Variants in SLC61A1 observed in about 807,000 individuals in gnomAD.
SLC61A1 encodes the protein major facilitator superfamily domain containing 5.
At chr12:53,252,718 T>TGGGTGG in the SLC61A1 span, 5 of 1,386,104 alleles carry the variant, frequency 3.6e-6, no homozygotes, top group Non-Finnish European at 4.8e-6. Flanking sequence ...GGAGTGGAGT[T>TGGGTGG]GGCAGCGGGG....
chr12:53,251,829 T>A, the SLC61A1 span: 1 of 1,537,192 alleles, frequency 6.5e-7, no homozygotes, highest in South Asian at 1.2e-5. Flanking sequence ...CCCTTGGCTC[T>A]ACCGGACTGC....
chr12:53,252,294 AAGTGGATGTGGCAGGGCTGGGCAGGGGCT>A, the SLC61A1 span: 5 of 1,390,242 alleles, frequency 3.6e-6, no homozygotes, highest in Non-Finnish European at 4.6e-6. Flanking sequence ...GGCGAGGTGC[AAGTGGATGTGGCAGGGCTGGGCAGGGGCT>A]AGGGGGCGCA....
chr12:53,252,051 C>CG, the SLC61A1 span: 1 of 161,368 alleles, frequency 6.2e-6, no homozygotes, highest in Non-Finnish European at 9.2e-6. Flanking sequence ...GGAAGGAGGG[C>CG]GGGCGGGCGG....
the SLC61A1 span, chr12:53,252,091 C>A: frequency 6.9e-7 from 1 of 1,458,158 alleles, no homozygotes; most frequent in South Asian, 1.4e-5. Flanking sequence ...GCCGCGCCCC[C>A]GTCACGTGAT....
At chr12:53,253,643 T>C in the SLC61A1 span, 3 of 1,614,096 alleles carry the variant, frequency 1.9e-6, no homozygotes, top group Admixed American at 5.0e-5. Context: ...TGTCTTCCTC[T>C]GGACACCTGT....
the SLC61A1 span, chr12:53,252,320 G>A: frequency 5.1e-6 from 7 of 1,372,478 alleles, no homozygotes; most frequent in African/African-American, 6.1e-5. Context: ...GCTGGGCAGG[G>A]GCTAGGGGGC....
chr12:53,251,405 TGAGGAGATGATACGGAAGCTGTAG>T, the SLC61A1 span: 13 of 281,958 alleles, frequency 4.6e-5, no homozygotes, highest in African/African-American at 2.4e-4. Context: ...TGGAGGCTCT[TGAGGAGATGATACGGAAGCTGTAG>T]AGAGGTTAAA....
the SLC61A1 span, chr12:53,254,406 A>G: frequency 1.8e-6 from 1 of 563,012 alleles, no homozygotes; most frequent in Non-Finnish European, 3.2e-6. Context: ...TTAAATGATC[A>G]TTGATTTGAT....
chr12:53,252,057 G>T, the SLC61A1 span: 2 of 1,463,568 alleles, frequency 1.4e-6, no homozygotes, highest in South Asian at 2.7e-5. Context: ...AGGGCGGGCG[G>T]GCGGGGCGGG....
At chr12:53,252,507 G>C in the SLC61A1 span, 2 of 1,349,932 alleles carry the variant, frequency 1.5e-6, no homozygotes, top group Non-Finnish European at 1.9e-6. Flanking sequence ...GTGTACGGGA[G>C]CTGCTGTGGG....
chr12:53,252,203 G>C, the SLC61A1 span: 23 of 1,416,902 alleles, frequency 1.6e-5, no homozygotes, highest in African/African-American at 4.5e-5. Flanking sequence ...GAGCCACAGC[G>C]GGGAGGGTGG....
chr12:53,252,140 C>T, the SLC61A1 span: 4 of 1,438,846 alleles, frequency 2.8e-6, no homozygotes, highest in African/African-American at 2.9e-5. Flanking sequence ...TGCCCGGCTC[C>T]CGGAAGCAGG....
chr12:53,253,501 G>C, the SLC61A1 span: 1 of 1,614,198 alleles, frequency 6.2e-7, no homozygotes, highest in Non-Finnish European at 8.5e-7. Context: ...TTCGAAACTG[G>C]GGGGAGAACT....
the SLC61A1 span, chr12:53,253,846 G>A: frequency 6.2e-7 from 1 of 1,614,236 alleles, no homozygotes; most frequent in Non-Finnish European, 8.5e-7. Context: ...GCCCAGGCCA[G>A]GAGAGTCCGG....
At chr12:53,252,507 G>A in the SLC61A1 span, 1 of 1,349,932 alleles carries the variant, frequency 7.4e-7, no homozygotes, top group Non-Finnish European at 9.5e-7. Flanking sequence ...GTGTACGGGA[G>A]CTGCTGTGGG....
chr12:53,254,260 G>C, the SLC61A1 span: 8 of 1,526,260 alleles, frequency 5.2e-6, no homozygotes, highest in Non-Finnish European at 7.1e-6. Context: ...AGATCTCTCT[G>C]TGACTGACTT....
chr12:53,253,431 G>A, the SLC61A1 span: 1 of 1,614,150 alleles, frequency 6.2e-7, no homozygotes. Flanking sequence ...ATAGGGCTGG[G>A]GCCTGTAGCG....
At chr12:53,254,174 G>A in the SLC61A1 span, 1 of 1,613,812 alleles carries the variant, frequency 6.2e-7, no homozygotes, top group Non-Finnish European at 8.5e-7. Context: ...GGAGCCCTAT[G>A]CCCCTGAGCT....
At chr12:53,252,750 T>C in the SLC61A1 span, 1 of 1,541,242 alleles carries the variant, frequency 6.5e-7, no homozygotes, top group Non-Finnish European at 8.7e-7. Context: ...TGCCATCTGC[T>C]TAAGACAGCC....
Sources: allele counts gnomAD v4.1 joint callset, GRCh38; gene constraint gnomAD v4.1.1; transcripts MANE v1.5; gene names NCBI Gene and HGNC (gene_info 2026-07-23, HGNC 2026-07-21).